PDE4B: variants seen among roughly 807,000 people sequenced by gnomAD.
PDE4B encodes the protein 3',5'-cyclic-AMP phosphodiesterase 4B.
PDE4B carries 20 observed loss-of-function variants against 82.2 expected under a neutral mutation model. The ratio of observed to expected loss-of-function variants is 0.24; its 90% CI spans 0.17 to 0.35. The LOEUF is 0.35. Ranked by LOEUF, PDE4B falls within the 10% of genes least tolerant of loss-of-function variation. The pLI, the probability that PDE4B is intolerant of heterozygous loss-of-function variation, is 1.00. For synonymous variants in PDE4B, 320 were observed against 318.9 expected, an observed-to-expected ratio of 1.00 and a Z score of -0.04; for missense variants, 655 against 907.2, an observed-to-expected ratio of 0.72 and a Z score of 3.57.
At chr1:66,193,318 T>C (rs938618562) in intron 3 of PDE4B, among the ~76,000 whole-genome samples, 1 of 152,194 alleles carries the variant, frequency 6.6e-6, no homozygotes, top group African/African-American at 2.4e-5. Flanking sequence ...TGAATTCTAA[T>C]CTCAACTTTG....
chr1:65,863,571 G>A (rs1646478220), intron 1 of PDE4B, among the ~76,000 whole-genome samples: 1 of 152,140 alleles, frequency 6.6e-6, no homozygotes, highest in Admixed American at 6.5e-5. Flanking sequence ...CTAATTTTCT[G>A]TCTTGTTGAT....
At chr1:66,011,588 C>T (rs1018972107) in intron 3 of PDE4B, among the ~76,000 whole-genome samples, 2 of 152,046 alleles carry the variant, frequency 1.3e-5, no homozygotes, top group Non-Finnish European at 2.9e-5. Context: ...ATATTAGACT[C>T]ATCTCTTTGA....
At chr1:66,347,351 A>G (rs550992316) in intron 8 of PDE4B, among the ~76,000 whole-genome samples, 1 of 152,304 alleles carries the variant, frequency 6.6e-6, no homozygotes, top group South Asian at 2.1e-4. Context: ...ATTTATGTCT[A>G]TTTTATGTTA....
intron 3 of PDE4B, among the ~76,000 whole-genome samples, chr1:66,186,054 G>A (rs1647200833): frequency 2.0e-5 from 3 of 152,102 alleles, no homozygotes; most frequent in African/African-American, 4.8e-5. Context: ...TTCTACATAT[G>A]GCTAGCCAGT....
At chr1:66,169,067 C>T (rs1646790288) in intron 3 of PDE4B, among the ~76,000 whole-genome samples, 1 of 152,254 alleles carries the variant, frequency 6.6e-6, no homozygotes, top group Admixed American at 6.5e-5. Flanking sequence ...ACCATTCAAA[C>T]ATGCCTTCTC....
At chr1:66,115,448 G>C (rs1283886463) in intron 3 of PDE4B, among the ~76,000 whole-genome samples, 1 of 152,322 alleles carries the variant, frequency 6.6e-6, no homozygotes, top group East Asian at 1.9e-4. Flanking sequence ...GAACTACCTG[G>C]CTGCCCAGCC....
chr1:65,829,635 A>T (rs1438382574), intron 1 of PDE4B, among the ~76,000 whole-genome samples: 1 of 152,218 alleles, frequency 6.6e-6, no homozygotes, highest in Non-Finnish European at 1.5e-5. Flanking sequence ...CTAGAAATCA[A>T]TAACAAAAAG....
At chr1:66,338,875 C>T (rs905885968) in intron 8 of PDE4B, among the ~76,000 whole-genome samples, 16 of 151,750 alleles carry the variant, frequency 1.1e-4, no homozygotes, top group Non-Finnish European at 1.6e-4. Context: ...AAAAATTAGC[C>T]GGGCGTAGTG....
At chr1:66,040,255 T>C (rs1291113448) in intron 3 of PDE4B, among the ~76,000 whole-genome samples, 1 of 152,084 alleles carries the variant, frequency 6.6e-6, no homozygotes, top group Non-Finnish European at 1.5e-5. Flanking sequence ...TTCAGGATAC[T>C]CAAGCCCTGA....
intron 3 of PDE4B, among the ~76,000 whole-genome samples, chr1:66,174,460 T>C (rs1340021901): frequency 6.6e-6 from 1 of 152,120 alleles, no homozygotes; most frequent in African/African-American, 2.4e-5. Flanking sequence ...CTCACACTGC[T>C]ATAAAGAACT....
intron 3 of PDE4B, among the ~76,000 whole-genome samples, chr1:66,244,263 A>G (rs1295706865): frequency 1.3e-5 from 2 of 152,162 alleles, no homozygotes; most frequent in Admixed American, 1.3e-4. Context: ...AGAGAAAAAA[A>G]TAAACTGCTA....
intron 8 of PDE4B, among the ~76,000 whole-genome samples, chr1:66,337,089 C>T (rs1890197): frequency 0.55 from 84,286 of 152,104 alleles, 24,104 homozygotes; most frequent in East Asian, 0.81. Context: ...CCAATGGATT[C>T]ATCTTAGAAC....
intron 3 of PDE4B, among the ~76,000 whole-genome samples, chr1:66,142,675 C>A (rs900571056): frequency 2.6e-5 from 4 of 152,138 alleles, no homozygotes; most frequent in African/African-American, 9.7e-5. Flanking sequence ...TTGTGTGTTA[C>A]ATACAGAGCA....
intron 3 of PDE4B, among the ~76,000 whole-genome samples, chr1:65,957,724 A>G (rs1449433734): frequency 6.6e-6 from 1 of 152,038 alleles, no homozygotes; most frequent in African/African-American, 2.4e-5. Context: ...GAAAATATTT[A>G]TAATTATTAT....
chr1:66,032,812 G>A (rs959891473), intron 3 of PDE4B, among the ~76,000 whole-genome samples: 3 of 151,850 alleles, frequency 2.0e-5, no homozygotes, highest in Non-Finnish European at 4.4e-5. Context: ...CTGCCACCAC[G>A]CCCGGCTAAT....
intron 3 of PDE4B, among the ~76,000 whole-genome samples, chr1:66,176,429 A>G (rs1028184738): frequency 3.3e-5 from 5 of 152,242 alleles, no homozygotes; most frequent in African/African-American, 4.8e-5. Context: ...TGAATTAGTC[A>G]GATAGCTAAG....
At chr1:66,104,949 T>C (rs1343813041) in intron 3 of PDE4B, among the ~76,000 whole-genome samples, 3 of 150,304 alleles carry the variant, frequency 2.0e-5, no homozygotes, top group African/African-American at 7.3e-5. Flanking sequence ...TTTAATTAGA[T>C]CCCATTTGTC....
intron 1 of PDE4B, among the ~76,000 whole-genome samples, chr1:65,843,996 G>T (rs570333421): frequency 6.6e-6 from 1 of 152,256 alleles, no homozygotes; most frequent in African/African-American, 2.4e-5. Context: ...TGTTTTTAAA[G>T]TTTCAGGTAG....
At chr1:66,090,350 T>C (rs1288339219) in intron 3 of PDE4B, among the ~76,000 whole-genome samples, 1 of 151,830 alleles carries the variant, frequency 6.6e-6, no homozygotes, top group Non-Finnish European at 1.5e-5. Context: ...TAGGTTTAGA[T>C]AGATTTATAA....
Sources: allele counts gnomAD v4.1 joint callset (sites outside exome capture counted in the v4.1 genomes callset), GRCh38; gene constraint gnomAD v4.1.1; transcripts MANE v1.5; gene names NCBI Gene and HGNC (gene_info 2026-07-23, HGNC 2026-07-21).